KDM3A: variants seen among roughly 807,000 people sequenced by gnomAD.
KDM3A encodes the protein lysine-specific demethylase 3A.
Under a neutral mutation model 158.0 loss-of-function variants are expected in KDM3A, and 60 were observed. The observed-to-expected ratio is 0.38, with a 90% CI of 0.31 to 0.47. The LOEUF is 0.47. Among genes scored for constraint, KDM3A ranks in the 20% least tolerant of loss-of-function variants. The pLI is 0.99. For synonymous variants in KDM3A, 608 were observed against 549.3 expected (o/e 1.11, Z -1.49); for missense variants, 1,319 against 1,574.3 (o/e 0.84, Z 2.74).
chr2:86,492,346 C>A lies in KDM3A; in HGVS notation c.*227C>A. The A allele has an allele frequency of 2.2e-6, 1 of 458,938 alleles. No homozygotes were observed. Among genetic ancestry groups the A allele is most frequent in the East Asian group, 3.4e-5 (1 of 29,554 alleles). The allele number at this position is 458,938 out of a possible 1,614,324, so 28.4% of individuals were successfully genotyped here. On this transcript the variant is annotated 3_prime_UTR_variant, in exon 26 of 26. Coordinates refer to ENST00000312912, the MANE Select transcript of KDM3A (RefSeq NM_018433.6). ...TTAAACTGTGACTTCTCACCTAGTG[C>A]AGAACTTTTACCAGGCTGTAAAAGC...
rs544411830 is a variant in KDM3A, at chr2:86,482,773, C to A, written c.2922+79C>A. The A allele has an allele frequency of 1.3e-5, 17 of 1,286,526 alleles. No homozygotes were observed. The East Asian group carries it at 3.5e-4, about 26-fold the overall frequency. 79.7% of individuals were successfully genotyped at this position (1,286,526 alleles called of 1,614,324 possible). A position where few individuals can be genotyped will look rare whatever the true frequency, so the allele number is the denominator to read the frequency against. On this transcript the variant is annotated intron_variant, in intron 18 of 25. Coordinates refer to ENST00000312912, the MANE Select transcript of KDM3A (RefSeq NM_018433.6). ...TTTAGCAGACTTCTGACAACCCCAC[C>A]CCAGGCTTTCCCCCTCCTTCACCTC... is the stretch of plus-strand genomic sequence containing the variant.
intron 2 of KDM3A, among the ~76,000 whole-genome samples, chr2:86,448,864 C>A (rs568036267): frequency 6.6e-6 from 1 of 152,176 alleles, no homozygotes; most frequent in Admixed American, 6.5e-5. Context: ...TGGTAGAATA[C>A]AAAAAGCATT....
At chr2:86,467,021 A>G (rs1207421083) in intron 10 of KDM3A, 138 bp downstream of exon 10, 4 of 715,274 alleles carry the variant, frequency 5.6e-6, no homozygotes, top group African/African-American at 5.4e-5. Context: ...GAAAGAAGGT[A>G]TAATTCCCAA....
At chr2:86,449,733 C>G in intron 2 of KDM3A, 74 bp from the exon 3 acceptor site, 1 of 1,458,774 alleles carries the variant, frequency 6.9e-7, no homozygotes, top group Non-Finnish European at 9.3e-7. Flanking sequence ...AGGTATAGTT[C>G]AGCTGGGGCA....
intron 5 of KDM3A, among the ~76,000 whole-genome samples, chr2:86,455,982 A>AAAT: frequency 6.6e-6 from 1 of 151,878 alleles, no homozygotes; most frequent in African/African-American, 2.4e-5. Context: ...AAGAAAAGAA[A>AAAT]AAAGATATTT....
intron 6 of KDM3A, 78 bp downstream of exon 6, chr2:86,456,644 C>T (rs1672712267): frequency 7.3e-7 from 1 of 1,366,832 alleles, no homozygotes; most frequent in South Asian, 1.2e-5. Context: ...ATTTTCTAGG[C>T]ACTAAATACC....
Position 86,480,220 on chromosome 2 carries a change from C to G in KDM3A, c.2370C>G (p.Pro790=). 6.2e-7 allele frequency: 1 copy of G among 1,613,650 alleles called. No individual in the cohort carries two copies. The highest frequency in any genetic ancestry group is 8.5e-7 in the Non-Finnish European group (1 of 1,180,024). The change falls in exon 16 of 26, where the codon CCC becomes CCG. Residue 790 remains proline (P), a synonymous_variant. Coordinates refer to ENST00000312912, the MANE Select transcript of KDM3A (RefSeq NM_018433.6). The part of the protein sequence containing the change: ...PTLGAVLQQN[P]SVLEPAAVGG... ...TTGGTGCAGTGCTCCAGCAGAATCC[C>G]TCAGTGTTGGAGCCAGCAGCTGTGG... is the stretch of plus-strand genomic sequence containing the variant.
rs75736547 is a variant in KDM3A at position 86,480,993 on chromosome 2, C to T, written c.2512+631C>T. ...CATATAGAAACCAGCTCATTTGAGC[C>T]GAAGTAAGACAATTAGCAAGTGGCC... is the stretch of plus-strand genomic sequence containing the variant. On this transcript the variant is annotated intron_variant, in intron 16 of 25. Coordinates refer to ENST00000312912, the MANE Select transcript of KDM3A (RefSeq NM_018433.6). Among the ~76,000 whole-genome samples, 1,428 of 152,074 alleles carry T rather than the reference C, an allele frequency of 9.4e-3. 27 individuals carry two copies. Among genetic ancestry groups the T allele is most frequent in the African/African-American group, 0.032 (1,309 of 41,454 alleles).
At chr2:86,443,640 C>A (rs1682836648) in intron 2 of KDM3A, 1 of 152,204 alleles carries the variant, frequency 6.6e-6, no homozygotes, top group Non-Finnish European at 1.5e-5. Context: ...AGCCTGTATT[C>A]TGTCAAACCC....
At position 86,455,144 on chromosome 2, in the gene KDM3A, A is replaced by G. The variant is rs764592204; in HGVS notation, c.513A>G (p.Gln171=). The change falls in exon 5 of 26, where the codon CAA becomes CAG. Residue 171 remains glutamine, a synonymous_variant. Transcript: ENST00000312912. ...TDNQIVSKEF[Q]ALIVKHLDES... is the part of the protein sequence containing the mutation. ...ATCAGATTGTCAGTAAAGAATTTCA[A>G]GCTTTGATTGTGAAGCATTTAGATG... The G allele has an allele frequency of 6.2e-7, 1 of 1,607,370 alleles. No homozygotes were observed. The highest frequency in any genetic ancestry group is 8.5e-7 in the Non-Finnish European group (1 of 1,176,914).
At position 86,466,172 on chromosome 2, in the gene KDM3A, G is replaced by A. The variant is rs114927613; in HGVS notation, c.1008-200G>A. On this transcript the variant is annotated intron_variant, in intron 9 of 25. Coordinates refer to ENST00000312912, the MANE Select transcript of KDM3A (RefSeq NM_018433.6). ...AATTTAGGGTTGTATTTTTCTGAGT[G>A]TTTATGATTTTTGCAGAACCATTGA... Among the ~76,000 whole-genome samples the A allele has an allele frequency of 4.2e-3, 618 of 148,430 alleles. 7 individuals are homozygous for A. Among genetic ancestry groups the A allele is most frequent in the African/African-American group, 0.015 (589 of 40,360 alleles).
chr2:86,448,487 C>T (rs1249308525), intron 2 of KDM3A, among the ~76,000 whole-genome samples: 1 of 152,144 alleles, frequency 6.6e-6, no homozygotes, highest in East Asian at 1.9e-4. Context: ...ATTTAATTGT[C>T]AATCAGTTAA....
intron 5 of KDM3A, among the ~76,000 whole-genome samples, chr2:86,455,668 G>C (rs1672658694): frequency 6.6e-6 from 1 of 152,074 alleles, no homozygotes; most frequent in Admixed American, 6.5e-5. Flanking sequence ...AGTAGGGCCA[G>C]GCACAGTGGC....
chr2:86,474,725 G>GTT, intron 11 of KDM3A, 51 bp from the exon 12 acceptor site: 1 of 808,782 alleles, frequency 1.2e-6, no homozygotes. Context: ...GTGTGTGTGT[G>GTT]TGTGTGTGTG....
upstream of KDM3A, among the ~76,000 whole-genome samples, chr2:86,438,508 C>CA (rs887504146): frequency 2.6e-5 from 4 of 151,468 alleles, no homozygotes; most frequent in Non-Finnish European, 5.9e-5. Context: ...TCTCACCACA[C>CA]AAAAAAAGAT....
chr2:86,466,412 C>G lies in KDM3A; in HGVS notation c.1048C>G (p.Leu350Val), dbSNP rs200135960. The change falls in exon 10 of 26, where the codon CTA becomes GTA. Residue 350 changes from leucine to valine, a missense_variant. Physicochemically the swap from Leu to Val is conservative, Grantham distance 32. Coordinates refer to ENST00000312912, the MANE Select transcript of KDM3A (RefSeq NM_018433.6). ...TTTACCAGAGGAAATTTCTTCCTGT[C>G]TAAATACAAAGTCTGAAGCTCTGAG... ...QSLPEEISSC[L>V]NTKSEALRTK... The G allele has an allele frequency of 1.9e-6, 3 of 1,613,178 alleles. No homozygotes were observed. Among genetic ancestry groups the G allele is most frequent in the Non-Finnish European group, 2.5e-6 (3 of 1,179,574 alleles).
At chr2:86,451,640 C>A (rs1672475645) in intron 4 of KDM3A, among the ~76,000 whole-genome samples, 1 of 152,024 alleles carries the variant, frequency 6.6e-6, no homozygotes, top group East Asian at 1.9e-4. Flanking sequence ...TATAATGGGG[C>A]CTGCACAGTC....
chr2:86,448,176 T>C (rs752123505), intron 2 of KDM3A, among the ~76,000 whole-genome samples: 3 of 152,208 alleles, frequency 2.0e-5, no homozygotes, highest in Non-Finnish European at 2.9e-5. Context: ...CAAGAAGATA[T>C]GTAGTTTCCT....
intron 20 of KDM3A, 27 bp downstream of exon 20, chr2:86,485,056 G>A (rs765110072): frequency 8.1e-7 from 1 of 1,235,986 alleles, no homozygotes; most frequent in African/African-American, 1.5e-5. Flanking sequence ...GGGGAGAGAT[G>A]ATTCTGTCCT....
Sources: allele counts gnomAD v4.1 joint callset (sites outside exome capture counted in the v4.1 genomes callset), GRCh38; gene constraint gnomAD v4.1.1; transcripts MANE v1.5; gene names NCBI Gene and HGNC (gene_info 2026-07-23, HGNC 2026-07-21).